The following SETD6 variants were observed in gnomAD, a reference collection of about 807,000 sequenced individuals.
SETD6 encodes the protein N-lysine methyltransferase SETD6.
Under a neutral mutation model 52.7 loss-of-function variants are expected in SETD6, and 67 were observed. That is an observed-to-expected ratio of 1.27 (90% CI 1.04 to 1.56). SETD6 has a LOEUF of 1.56. Among genes scored for constraint, SETD6 ranks in the 40% most tolerant of loss-of-function variants. The pLI is 0.00. For missense variants in SETD6, 712 were observed against 607.5 expected, an observed-to-expected ratio of 1.17 and a Z score of -1.81; for synonymous variants, 307 against 250.2, an observed-to-expected ratio of 1.23 and a Z score of -2.14.
Position 58,523,701 on chromosome 16 carries a change from TAAAAATATTCATTTTTA to T in SETD6, c.*4677_*4693del. ...ATTTTCCACATTAGAAATTAGATTT[TAAAAATATTCATTTTTA>T]AAAACAGACCCACTATGTGCTAATG... On this transcript the variant is annotated 3_prime_UTR_variant, in exon 8 of 8. Coordinates refer to ENST00000219315, the MANE Select transcript of SETD6 (RefSeq NM_001160305.4). 1.1e-5 allele frequency: 5 copies of T among 451,560 alleles called. No homozygotes were observed. The highest frequency in any genetic ancestry group is 9.7e-5 in the South Asian group (2 of 20,634). 28.0% of individuals were successfully genotyped at this position (451,560 alleles called of 1,614,324 possible). A position where few individuals can be genotyped will look rare whatever the true frequency, so the allele number is the denominator to read the frequency against.
rs760082716 is a variant in SETD6 at position 58,516,641 on chromosome 16, C to T, written c.640C>T (p.His214Tyr). 4.2e-5 allele frequency: 67 copies of T among 1,613,948 alleles called. No individual in the cohort carries two copies. The highest frequency in any genetic ancestry group is 1.8e-4 in the South Asian group (16 of 91,080). Residue 214 changes from histidine to tyrosine, a missense_variant, in exon 4 of 8, where the codon CAC becomes TAC. His to Tyr is a moderately conservative substitution (Grantham distance 83). Coordinates refer to ENST00000219315, the MANE Select transcript of SETD6 (RefSeq NM_001160305.4). ...SLRVRSLELY[H>Y]QLVALVMAYS... ...CAGGGTTCGCTCCCTAGAACTCTAC[C>T]ACCAGCTGGTGGCCCTTGTGATGGC...
Position 58,520,997 on chromosome 16 carries a change from C to T in SETD6, c.*1968C>T. On this transcript the variant is annotated 3_prime_UTR_variant, in exon 8 of 8. Coordinates refer to ENST00000219315, the MANE Select transcript of SETD6 (RefSeq NM_001160305.4). ...TCCCTTCCATTACTTGCTGGGCCTG[C>T]TTCTGTCCCATGCAGCACTGTGCGA... 1 of 1,614,060 alleles carries T rather than the reference C, an allele frequency of 6.2e-7. No individual in the cohort carries two copies. The highest frequency in any genetic ancestry group is 8.5e-7 in the Non-Finnish European group (1 of 1,180,036).
chr16:58,515,566 T>A lies in SETD6; in HGVS notation c.27+2T>A. On this transcript the variant is annotated splice_donor_variant, in intron 1 of 7. Coordinates refer to ENST00000219315, the MANE Select transcript of SETD6 (RefSeq NM_001160305.4). LOFTEE classifies it high-confidence loss of function. ...GCGACCCAGGCGAAGCGTCCACGGG[T>A]GAGTGGCGGGCGCGGGGTCCAGCCT... 6.3e-7 allele frequency: 1 copy of A among 1,579,146 alleles called. No individual in the cohort carries two copies. Among genetic ancestry groups the A allele is most frequent in the Non-Finnish European group, 8.6e-7 (1 of 1,167,520 alleles).
At position 58,515,558 on chromosome 16, in the gene SETD6, T is replaced by A. The variant is rs1424441986; in HGVS notation, c.21T>A (p.Arg7=). ...AGACCATGGCGACCCAGGCGAAGCGTCCACGGGTGAGTGGCGGGCGCGGGG... is the reference window on the plus strand; with the variant it reads ...AGACCATGGCGACCCAGGCGAAGCGACCACGGGTGAGTGGCGGGCGCGGGG... MATQAK[R]PRVAGPVDGG... Residue 7 remains arginine, a synonymous_variant, in exon 1 of 8, where the codon CGT becomes CGA. Transcript: ENST00000219315. The A allele has an allele frequency of 6.3e-7, 1 of 1,587,132 alleles. No individual in the cohort carries two copies.
chr16:58,518,067 T>C lies in SETD6; in HGVS notation c.809T>C (p.Val270Ala). 3 of 1,614,188 alleles carry C rather than the reference T, an allele frequency of 1.9e-6. No individual in the cohort carries two copies. The South Asian group carries it at 3.3e-5, about 18-fold the overall frequency. Residue 270 changes from valine to alanine, a missense_variant, in exon 6 of 8, where the codon GTA becomes GCA. Physicochemically the swap from Val to Ala is moderately conservative, Grantham distance 64. Coordinates refer to ENST00000219315, the MANE Select transcript of SETD6 (RefSeq NM_001160305.4). ...TCACCTCAGAATTGTCTTCGGATGG[T>C]AGCCACTCAGCCCATTCCTAAAGGC... ...LEYSANCLRMVATQPIPKGHE... is the reference protein window; with the variant it reads ...LEYSANCLRMAATQPIPKGHE...
Position 58,523,312 on chromosome 16 carries a change from A to C in SETD6, c.*4283A>C. ...CACTGAAAGCATAAAGAGGAAAAAA[A>C]AAAGATGAAAGGGAGGAGATCCTTT... On this transcript the variant is annotated 3_prime_UTR_variant, in exon 8 of 8. Coordinates refer to ENST00000219315, the MANE Select transcript of SETD6 (RefSeq NM_001160305.4). 1 of 1,516,336 alleles carries C rather than the reference A, an allele frequency of 6.6e-7. No homozygotes were observed. The highest frequency in any genetic ancestry group is 8.9e-7 in the Non-Finnish European group (1 of 1,128,270). 93.9% of individuals were successfully genotyped at this position (1,516,336 alleles called of 1,614,324 possible). A position where few individuals can be genotyped will look rare whatever the true frequency, so the allele number is the denominator to read the frequency against.
chr16:58,521,161 T>C lies in SETD6; in HGVS notation c.*2132T>C, dbSNP rs376505155. 7 of 1,612,810 alleles carry C rather than the reference T, an allele frequency of 4.3e-6. No individual in the cohort carries two copies. The highest frequency in any genetic ancestry group is 1.3e-5 in the African/African-American group (1 of 74,768). ...AGTCTCCAGTCTCATTCCTAGACAA[T>C]TAAAAATTACTTTGAACTCACTTTT... On this transcript the variant is annotated 3_prime_UTR_variant, in exon 8 of 8. Transcript: ENST00000219315.
In SETD6 at chr16:58,519,068, T is replaced by TAG. The variant is rs748773358; in HGVS notation, c.*39_*40insAG. On this transcript the variant is annotated 3_prime_UTR_variant, in exon 8 of 8. Coordinates refer to ENST00000219315, the MANE Select transcript of SETD6 (RefSeq NM_001160305.4). ...CCCTGAAGGAACAGCAATAAGAACT[T>TAG]TATTCTAAGCTAATACTCATTGATG... The TAG allele has an allele frequency of 7.7e-6, 12 of 1,554,032 alleles. No homozygotes were observed. The South Asian group carries it at 1.4e-4, about 18-fold the overall frequency.
At chr16:58,517,836 C>T in intron 5 of SETD6, 1 of 623,972 alleles carries the variant, frequency 1.6e-6, no homozygotes, top group South Asian at 2.0e-5. Flanking sequence ...TGCAGAAATC[C>T]ACCCAGTTAA....
chr16:58,519,677 G>A lies in SETD6; in HGVS notation c.*648G>A, dbSNP rs1842899226. The A allele has an allele frequency of 6.6e-6, 1 of 151,608 alleles. No individual in the cohort carries two copies. Among genetic ancestry groups the A allele is most frequent in the African/African-American group, 2.4e-5 (1 of 41,322 alleles). 9.4% of individuals were successfully genotyped at this position (151,608 alleles called of 1,614,324 possible). Reference sequence around the variant, plus strand: ...AAAAAAAAAAATACCTGGGGGAAAAGGATATTAAAACTGGGTATTTTAAAC... The same window carrying A: ...AAAAAAAAAAATACCTGGGGGAAAAAGATATTAAAACTGGGTATTTTAAAC... On this transcript the variant is annotated 3_prime_UTR_variant, in exon 8 of 8. Coordinates refer to ENST00000219315, the MANE Select transcript of SETD6 (RefSeq NM_001160305.4).
rs13330601 is a variant in SETD6 at position 58,520,386 on chromosome 16, G to A, written c.*1357G>A. 523 of 154,376 alleles carry A rather than the reference G, an allele frequency of 3.4e-3. 2 individuals carry two copies. The highest frequency in any genetic ancestry group is 0.012 in the African/African-American group (490 of 41,542). The allele number at this position is 154,376 out of a possible 1,614,324, so 9.6% of individuals were successfully genotyped here. A position where few individuals can be genotyped will look rare whatever the true frequency, so the allele number is the denominator to read the frequency against. ...CAGCTTTGGAATACGTTTGGGTAGA[G>A]ACAAAATGGAAACTCATGGGATTCC... is the stretch of plus-strand genomic sequence containing the variant. On this transcript the variant is annotated 3_prime_UTR_variant, in exon 8 of 8. Coordinates refer to ENST00000219315, the MANE Select transcript of SETD6 (RefSeq NM_001160305.4).
At position 58,521,076 on chromosome 16, in the gene SETD6, T is replaced by G; in HGVS notation, c.*2047T>G. 6.2e-7 allele frequency: 1 copy of G among 1,613,760 alleles called. No individual in the cohort carries two copies. Among genetic ancestry groups the G allele is most frequent in the Non-Finnish European group, 8.5e-7 (1 of 1,179,806 alleles). The stretch of plus-strand genomic sequence containing the variant: ...CAGTTACAAATCTCTGATTAAAGAG[T>G]AGGCCTAACAATACCTTGCATCTCA... On this transcript the variant is annotated 3_prime_UTR_variant, in exon 8 of 8. Transcript: ENST00000219315.
In SETD6 at chr16:58,523,722, A is replaced by C. The variant is rs2039485487; in HGVS notation, c.*4693A>C. On this transcript the variant is annotated 3_prime_UTR_variant, in exon 8 of 8. Transcript: ENST00000219315. ...ATTTTAAAAATATTCATTTTTAAAA[A>C]CAGACCCACTATGTGCTAATGTAAG... is the stretch of plus-strand genomic sequence containing the variant. The C allele has an allele frequency of 1.4e-5, 6 of 416,416 alleles. No individual in the cohort carries two copies. Among genetic ancestry groups the C allele is most frequent in the Admixed American group, 7.5e-5 (2 of 26,816 alleles). The allele number at this position is 416,416 out of a possible 1,614,324, so 25.8% of individuals were successfully genotyped here.
rs1167452507 is a variant in SETD6, at chr16:58,518,910, C to T, written c.1303C>T (p.Gln435Ter). The change falls in exon 8 of 8, where the codon CAA becomes TAA. Residue 435 changes from glutamine (Q) to a stop codon, truncating the protein, a stop_gained. Coordinates refer to ENST00000219315, the MANE Select transcript of SETD6 (RefSeq NM_001160305.4). LOFTEE classifies it high-confidence loss of function. The part of the protein sequence containing the change: ...QTYATDLKTD[Q>*]GLLSNKEVYA... ...CTATGCCACAGACTTAAAAACTGAC[C>T]AAGGTTTACTCAGTAATAAGGAAGT... 4 of 1,614,014 alleles carry T rather than the reference C, an allele frequency of 2.5e-6. No individual in the cohort carries two copies. The highest frequency in any genetic ancestry group is 3.4e-6 in the Non-Finnish European group (4 of 1,180,032).
chr16:58,520,697 TTC>T lies in SETD6; in HGVS notation c.*1672_*1673del. On this transcript the variant is annotated 3_prime_UTR_variant, in exon 8 of 8. Coordinates refer to ENST00000219315, the MANE Select transcript of SETD6 (RefSeq NM_001160305.4). Reference sequence around the variant, plus strand: ...AGCCAAGAAGTTCCAGACAAAGGTTTTCTCTTTCATGTATTTACACAAGTTCA... The same window carrying T: ...AGCCAAGAAGTTCCAGACAAAGGTTTTCTTTCATGTATTTACACAAGTTCA... 1 of 481,072 alleles carries T rather than the reference TTC, an allele frequency of 2.1e-6. No homozygotes were observed. Among genetic ancestry groups the T allele is most frequent in the Non-Finnish European group, 3.8e-6 (1 of 264,496 alleles). 29.8% of individuals were successfully genotyped at this position (481,072 alleles called of 1,614,324 possible). A position where few individuals can be genotyped will look rare whatever the true frequency, so the allele number is the denominator to read the frequency against.
At chr16:58,518,377 T>G (rs753276850) in intron 6 of SETD6, 24 bp from the exon 7 acceptor site, 11 of 1,580,684 alleles carry the variant, frequency 7.0e-6, no homozygotes, top group Non-Finnish European at 8.6e-6. Flanking sequence ...TACTGAGACT[T>G]TCACATTGCT....
Position 58,519,035 on chromosome 16 carries a change from T to G in SETD6, c.*6T>G, listed in dbSNP as rs974795409. 1 of 1,601,926 alleles carries G rather than the reference T, an allele frequency of 6.2e-7. No individual in the cohort carries two copies. The highest frequency in any genetic ancestry group is 1.7e-5 in the Admixed American group (1 of 58,858). ...TGTTGGAGCTGACAAGTTAGCAGTT[T>G]CCCTGTTCCCTGAAGGAACAGCAAT... On this transcript the variant is annotated 3_prime_UTR_variant, in exon 8 of 8. Coordinates refer to ENST00000219315, the MANE Select transcript of SETD6 (RefSeq NM_001160305.4).
At chr16:58,516,778 AG>A in intron 4 of SETD6, 29 bp from the exon 5 acceptor site, 1 of 1,614,044 alleles carries the variant, frequency 6.2e-7, no homozygotes, top group Non-Finnish European at 8.5e-7. Context: ...CACCCAAGAC[AG>A]GGCCTTAGCC....
chr16:58,518,454 T>C lies in SETD6; in HGVS notation c.1027T>C (p.Cys343Arg), dbSNP rs1171781122. The change falls in exon 7 of 8, where the codon TGC becomes CGC. Residue 343 changes from cysteine (C) to arginine (R), a missense_variant. Transcript: ENST00000219315. ...HLVYERWDFL[C>R]KLEMVGEEGA... ...AGTGTACGAGCGCTGGGATTTCCTA[T>C]GCAAACTGGAGATGGTAGGGGAAGA... 2 of 1,587,200 alleles carry C rather than the reference T, an allele frequency of 1.3e-6. No homozygotes were observed. The highest frequency in any genetic ancestry group is 1.2e-5 in the South Asian group (1 of 85,722).
Sources: allele counts gnomAD v4.1 joint callset, GRCh38; gene constraint gnomAD v4.1.1; transcripts MANE v1.5; gene names NCBI Gene and HGNC (gene_info 2026-07-23, HGNC 2026-07-21).